SMARCAD1: variants seen among roughly 807,000 people sequenced by gnomAD.
SMARCAD1 encodes SWI/SNF-related matrix-associated actin-dependent regulator of chromatin subfamily A containing DEAD/H box 1.
SMARCAD1 carries 25 observed loss-of-function variants against 127.1 expected under a neutral mutation model. The ratio of observed to expected loss-of-function variants is 0.20; its 90% CI spans 0.14 to 0.27. SMARCAD1 has a LOEUF of 0.27. Ranked by LOEUF, SMARCAD1 falls within the 10% of genes least tolerant of loss-of-function variation. The pLI is 1.00. For missense variants in SMARCAD1, 807 were observed against 1,206.0 expected (o/e 0.67, Z 4.90); for synonymous variants, 400 against 396.9 (o/e 1.01, Z -0.09).
intron 3 of SMARCAD1, among the ~76,000 whole-genome samples, chr4:94,231,862 T>G (rs1036270277): frequency 6.6e-6 from 1 of 152,140 alleles, no homozygotes. Flanking sequence ...ATTTTTCTTT[T>G]TCTTTCCTTT....
At chr4:94,227,970 G>T (rs891574228) in intron 3 of SMARCAD1, among the ~76,000 whole-genome samples, 6 of 152,158 alleles carry the variant, frequency 3.9e-5, no homozygotes, top group Non-Finnish European at 8.8e-5. Flanking sequence ...TCAGGGAGAT[G>T]AGAAGAAACC....
At chr4:94,281,996 C>T (rs1231902172) in intron 21 of SMARCAD1, among the ~76,000 whole-genome samples, 1 of 151,338 alleles carries the variant, frequency 6.6e-6, no homozygotes, top group Non-Finnish European at 1.5e-5. Flanking sequence ...GCCAAGATCG[C>T]ACCACTGCAC....
chr4:94,248,433 G>A (rs1748788362), intron 6 of SMARCAD1: 1 of 455,810 alleles, frequency 2.2e-6, no homozygotes, highest in African/African-American at 2.0e-5. Context: ...CTCCTCAGCT[G>A]GTTGTTGTCC....
At chr4:94,232,311 C>T (rs191227272) in intron 3 of SMARCAD1, among the ~76,000 whole-genome samples, 12 of 152,258 alleles carry the variant, frequency 7.9e-5, no homozygotes, top group Admixed American at 5.2e-4. Context: ...ATCATTGAGT[C>T]TGATCACTGG....
rs550409669 is a variant in SMARCAD1, at chr4:94,211,781, A to G, written c.190+3197A>G. On this transcript the variant is annotated intron_variant, in intron 2 of 23. Coordinates refer to ENST00000354268, the MANE Select transcript of SMARCAD1 (RefSeq NM_020159.5). ...TTTGCCTGGAAGACTCTTCCTGCTGATATTTGCATATGACTCAGATGCTTT... is the reference window on the plus strand; with the variant it reads ...TTTGCCTGGAAGACTCTTCCTGCTGGTATTTGCATATGACTCAGATGCTTT... Among the ~76,000 whole-genome samples, 15 of 152,270 alleles carry G rather than the reference A, an allele frequency of 9.9e-5. No individual in the cohort carries two copies. The East Asian group carries it at 2.9e-3, about 29-fold the overall frequency.
intron 22 of SMARCAD1, among the ~76,000 whole-genome samples, chr4:94,283,701 T>C (rs548546243): frequency 1.6e-3 from 240 of 152,074 alleles, no homozygotes; most frequent in African/African-American, 5.4e-3. Context: ...GGCGGGTGCC[T>C]GTAGTCCCAG....
chr4:94,289,347 G>A (rs1452686988), intron 23 of SMARCAD1, 126 bp from the exon 24 acceptor site: 7 of 795,326 alleles, frequency 8.8e-6, no homozygotes, highest in African/African-American at 1.7e-5. Flanking sequence ...AGGGGTGAGT[G>A]ACACTGAAGC....
At chr4:94,238,398 A>G (rs1477761614) in intron 5 of SMARCAD1, among the ~76,000 whole-genome samples, 1 of 152,158 alleles carries the variant, frequency 6.6e-6, no homozygotes, top group Admixed American at 6.6e-5. Flanking sequence ...CTAATAATGT[A>G]TACTACTTCT....
intron 7 of SMARCAD1, 140 bp downstream of exon 7, chr4:94,249,895 T>C: frequency 1.6e-6 from 1 of 637,338 alleles, no homozygotes; most frequent in Non-Finnish European, 2.8e-6. Flanking sequence ...ATCAATGTTA[T>C]AAAGTATTTT....
chr4:94,268,737 ACTT>A (rs1406219239), intron 10 of SMARCAD1, among the ~76,000 whole-genome samples: 2 of 152,176 alleles, frequency 1.3e-5, no homozygotes, highest in Non-Finnish European at 2.9e-5. Flanking sequence ...GCCGCAGTGA[ACTT>A]CTCATCTGTA....
At chr4:94,231,391 GAAGGAACTTCTTTATCT>G (rs1283628800) in intron 3 of SMARCAD1, among the ~76,000 whole-genome samples, 1 of 152,164 alleles carries the variant, frequency 6.6e-6, no homozygotes, top group African/African-American at 2.4e-5. Context: ...TCTTTAACAG[GAAGGAACTTCTTTATCT>G]GAGACTGGAA....
chr4:94,284,577 T>G (rs71581576), intron 22 of SMARCAD1, among the ~76,000 whole-genome samples: 43 of 20,592 alleles, frequency 2.1e-3, no homozygotes, highest in South Asian at 9.6e-3. Flanking sequence ...TTGGTTTTTG[T>G]TTTTTTTTTT....
chr4:94,266,760 A>C lies in SMARCAD1; in HGVS notation c.1481+1854A>C, dbSNP rs1297274550. On this transcript the variant is annotated intron_variant, in intron 10 of 23. Coordinates refer to ENST00000354268, the MANE Select transcript of SMARCAD1 (RefSeq NM_020159.5). ...TTTCTCTAAACAGAACAAGTTCTTCATGACGAAGTTTACTTTGCTACAAAC... is the reference window on the plus strand; with the variant it reads ...TTTCTCTAAACAGAACAAGTTCTTCCTGACGAAGTTTACTTTGCTACAAAC... Among the ~76,000 whole-genome samples, 4 of 152,266 alleles carry C rather than the reference A, an allele frequency of 2.6e-5. No homozygotes were observed. The East Asian group carries it at 7.7e-4, about 29-fold the overall frequency.
intron 5 of SMARCAD1, among the ~76,000 whole-genome samples, 162 bp from the exon 6 acceptor site, chr4:94,240,744 C>CT (rs796750629): frequency 2.6e-4 from 40 of 151,424 alleles, no homozygotes; most frequent in South Asian, 8.4e-4. Context: ...AGAATGTTTA[C>CT]TTTTTTTTTC....
chr4:94,269,975 T>C (rs1266712319), intron 10 of SMARCAD1, among the ~76,000 whole-genome samples: 1 of 152,004 alleles, frequency 6.6e-6, no homozygotes, highest in Non-Finnish European at 1.5e-5. Context: ...TTTCATTCCT[T>C]ATAACTCTGC....
chr4:94,236,892 G>C, intron 4 of SMARCAD1, 60 bp from the exon 5 acceptor site: 1 of 1,296,258 alleles, frequency 7.7e-7, no homozygotes. Flanking sequence ...AAATATTTCA[G>C]TAACTGAAAT....
chr4:94,259,176 A>G (rs980849012), intron 9 of SMARCAD1, among the ~76,000 whole-genome samples: 1 of 152,208 alleles, frequency 6.6e-6, no homozygotes, highest in East Asian at 1.9e-4. Context: ...CTGCCGGTAG[A>G]AGGGTCAATA....
rs756266265 is a variant in SMARCAD1, at chr4:94,226,346, A to G, written c.368+50A>G. 2.2e-5 allele frequency: 34 copies of G among 1,529,242 alleles called. No homozygotes were observed. In the African/African-American group the frequency reaches 4.4e-4, roughly 20 times the overall value. 94.7% of individuals were successfully genotyped at this position (1,529,242 alleles called of 1,614,324 possible). Reference sequence around the variant, plus strand: ...TATTTGCATGTGTGTGAGATTTTCCAAGAAAAAAACCTACCTAATTTGAGA... The same window carrying G: ...TATTTGCATGTGTGTGAGATTTTCCGAGAAAAAAACCTACCTAATTTGAGA... On this transcript the variant is annotated intron_variant, in intron 3 of 23. Coordinates refer to ENST00000354268, the MANE Select transcript of SMARCAD1 (RefSeq NM_020159.5).
At chr4:94,264,567 C>A in intron 9 of SMARCAD1, 140 bp from the exon 10 acceptor site, 1 of 618,804 alleles carries the variant, frequency 1.6e-6, no homozygotes, top group African/African-American at 1.9e-5. Flanking sequence ...CATGAAGAAT[C>A]AGGTTCTCTT....
Sources: allele counts gnomAD v4.1 joint callset (sites outside exome capture counted in the v4.1 genomes callset), GRCh38; gene constraint gnomAD v4.1.1; transcripts MANE v1.5; gene names NCBI Gene and HGNC (gene_info 2026-07-23, HGNC 2026-07-21).